Variants in ARHGAP8 observed in about 807,000 individuals in gnomAD.
ARHGAP8 encodes rho GTPase-activating protein 8.
A neutral mutation model predicts 46.1 loss-of-function variants in ARHGAP8; 62 were observed. The ratio of observed to expected loss-of-function variants is 1.34; its 90% CI spans 1.10 to 1.66. The LOEUF is 1.66. Ranked by LOEUF, ARHGAP8 falls within the 40% of genes most tolerant of loss-of-function variation. The probability of loss-of-function intolerance (pLI) is 0.00; values close to 1 mark genes in which losing one functional copy is unlikely to be tolerated. For missense variants in ARHGAP8, 923 were observed against 568.4 expected, an observed-to-expected ratio of 1.62 and a Z score of -6.34; for synonymous variants, 375 against 243.1, an observed-to-expected ratio of 1.54 and a Z score of -5.05.
intron 2 of ARHGAP8, among the ~76,000 whole-genome samples, chr22:44,791,502 G>C (rs934751840): frequency 5.9e-5 from 9 of 152,060 alleles, no homozygotes; most frequent in Non-Finnish European, 5.9e-5. Context: ...TCAGGAGTTC[G>C]AGACCAGCCT....
intron 7 of ARHGAP8, among the ~76,000 whole-genome samples, chr22:44,837,640 T>C (rs1931376244): frequency 6.6e-6 from 1 of 152,184 alleles, no homozygotes; most frequent in Admixed American, 6.5e-5. Flanking sequence ...GTCATTGCTA[T>C]GCACAGCACT....
chr22:44,830,176 A>G (rs1433335525), intron 7 of ARHGAP8, among the ~76,000 whole-genome samples: 1 of 151,346 alleles, frequency 6.6e-6, no homozygotes, highest in Non-Finnish European at 1.5e-5. Context: ...GGTGCACGCT[A>G]CCAAGTCCAG....
intron 2 of ARHGAP8, among the ~76,000 whole-genome samples, chr22:44,799,196 T>C (rs796695099): frequency 2.5e-4 from 38 of 152,330 alleles, no homozygotes; most frequent in African/African-American, 9.1e-4. Flanking sequence ...TTTTACTGCA[T>C]TGAGCAGAGC....
intron 7 of ARHGAP8, among the ~76,000 whole-genome samples, chr22:44,843,435 C>T (rs1293119678): frequency 6.6e-6 from 1 of 152,156 alleles, no homozygotes; most frequent in Non-Finnish European, 1.5e-5. Context: ...TAGATTTTCT[C>T]ATTTTTAAGA....
intron 1 of ARHGAP8, among the ~76,000 whole-genome samples, chr22:44,785,458 C>T (rs1221408466): frequency 6.6e-6 from 1 of 152,064 alleles, no homozygotes; most frequent in Non-Finnish European, 1.5e-5. Context: ...GGCTTGCGGC[C>T]GCATCACACT....
intron 10 of ARHGAP8, chr22:44,850,778 A>C (rs1450660203): frequency 6.6e-6 from 1 of 152,118 alleles, no homozygotes; most frequent in Non-Finnish European, 1.5e-5. Context: ...CAGCCTGGTC[A>C]ACATGGCAAA....
At chr22:44,757,725 G>A (rs1443858631) in intron 1 of ARHGAP8, among the ~76,000 whole-genome samples, 1 of 151,692 alleles carries the variant, frequency 6.6e-6, no homozygotes, top group Non-Finnish European at 1.5e-5. Context: ...TGCAACCTCC[G>A]CCTCCTGGGC....
chr22:44,761,024 C>G (rs1925091509), intron 1 of ARHGAP8, among the ~76,000 whole-genome samples: 1 of 152,174 alleles, frequency 6.6e-6, no homozygotes, highest in African/African-American at 2.4e-5. Context: ...AAAGGGCCCA[C>G]TTGTAATGTC....
chr22:44,753,754 C>A (rs1476024016), intron 1 of ARHGAP8, among the ~76,000 whole-genome samples: 1 of 152,018 alleles, frequency 6.6e-6, no homozygotes, highest in Non-Finnish European at 1.5e-5. Flanking sequence ...GATTGTTTGG[C>A]GGGATGGGGA....
At chr22:44,813,617 G>A (rs1929516430) in intron 4 of ARHGAP8, among the ~76,000 whole-genome samples, 3 of 149,768 alleles carry the variant, frequency 2.0e-5, no homozygotes, top group Admixed American at 6.6e-5. Context: ...ACACACTTAC[G>A]CTTACTTATA....
chr22:44,833,096 C>CTTTTCTTTTCTTTTCTTTTTTTTTTT (rs535842585), intron 7 of ARHGAP8, among the ~76,000 whole-genome samples: 2 of 120,430 alleles, frequency 1.7e-5, no homozygotes, highest in Non-Finnish European at 1.7e-5. Flanking sequence ...CTTTTCTTTT[C>CTTTTCTTTTCTTTTCTTTTTTTTTTT]TTTTTTTTTT....
intron 11 of ARHGAP8, 39 bp from the exon 12 acceptor site, chr22:44,862,236 G>C: frequency 1.3e-6 from 2 of 1,551,216 alleles, no homozygotes; most frequent in South Asian, 1.2e-5. Context: ...CGTGCCCCTT[G>C]GTGTTCACTC....
intron 2 of ARHGAP8, among the ~76,000 whole-genome samples, chr22:44,800,166 C>T (rs1335833964): frequency 1.1e-4 from 15 of 141,464 alleles, no homozygotes; most frequent in Middle Eastern, 3.8e-3. Flanking sequence ...TGCAATGATG[C>T]AATCTTGGCT....
In ARHGAP8 at chr22:44,859,969, C is replaced by G. The variant is rs141313257; in HGVS notation, c.981+135C>G. On this transcript the variant is annotated intron_variant, in intron 11 of 11. Transcript: ENST00000356099. ...TTGGGCCTCGGAATACCACTCCCTG[C>G]CCCCCAAGGACCTCATCCAAGGCCT... 8.9e-4 allele frequency: 945 copies of G among 1,063,624 alleles called. 7 individuals are homozygous for G. The East Asian group carries it at 0.012, about 13-fold the overall frequency. The allele number at this position is 1,063,624 out of a possible 1,614,324, so 65.9% of individuals were successfully genotyped here.
At chr22:44,857,343 A>G (rs2070256504) in intron 10 of ARHGAP8, among the ~76,000 whole-genome samples, 1 of 152,164 alleles carries the variant, frequency 6.6e-6, no homozygotes, top group African/African-American at 2.4e-5. Context: ...CCTCATCCCC[A>G]TGACTAGAAA....
chr22:44,766,484 GTC>G (rs1455503469), intron 1 of ARHGAP8, among the ~76,000 whole-genome samples: 3 of 151,990 alleles, frequency 2.0e-5, no homozygotes, highest in South Asian at 4.2e-4. Flanking sequence ...GCATATGTGT[GTC>G]TCTGTGTACG....
chr22:44,818,310 G>A (rs947868410), intron 5 of ARHGAP8, among the ~76,000 whole-genome samples: 4 of 151,964 alleles, frequency 2.6e-5, no homozygotes, highest in Non-Finnish European at 4.4e-5. Flanking sequence ...TCAGCTGGGC[G>A]TGGTGGCGCA....
chr22:44,778,850 C>CCT (rs1205201991), intron 1 of ARHGAP8, among the ~76,000 whole-genome samples: 3 of 152,082 alleles, frequency 2.0e-5, no homozygotes, highest in Non-Finnish European at 4.4e-5. Context: ...GGTCAGCCCT[C>CCT]CTCTCTCTCT....
intron 1 of ARHGAP8, among the ~76,000 whole-genome samples, chr22:44,757,124 C>CA (rs1159688035): frequency 6.6e-6 from 1 of 152,084 alleles, no homozygotes; most frequent in Non-Finnish European, 1.5e-5. Context: ...CTTTGTTGCC[C>CA]AGGCTGGTCT....
Sources: gnomAD v4.1 joint callset for allele counts (sites outside exome capture counted in the v4.1 genomes callset) on GRCh38, gnomAD v4.1.1 for gene constraint, MANE v1.5 for transcripts, NCBI Gene and HGNC (gene_info 2026-07-23, HGNC 2026-07-21) for gene names.